SAR1A: variants seen among roughly 807,000 people sequenced by gnomAD.
SAR1A encodes small COPII coat GTPase SAR1A.
Under a neutral mutation model 22.6 loss-of-function variants are expected in SAR1A, and 6 were observed. The observed-to-expected ratio is 0.27, with a 90% CI of 0.15 to 0.52. The LOEUF (loss-of-function observed/expected upper bound fraction) is 0.52, where lower values mean the gene tolerates loss of function less well. Ranked by LOEUF, SAR1A falls within the 20% of genes least tolerant of loss-of-function variation. SAR1A has a pLI of 0.96. For synonymous variants in SAR1A, 70 were observed against 82.2 expected, an observed-to-expected ratio of 0.85 and a Z score of 0.80; for missense variants, 145 against 245.1, an observed-to-expected ratio of 0.59 and a Z score of 2.73.
rs1839275004 is a variant in SAR1A at position 70,147,824 on chromosome 10, A to G, written c.*4652T>C. ...CTCAATCAGTCACCACAAGCTAGACAGTTTACAAAGGTCTGCTTTATCACT... is the reference window on the plus strand; with the variant it reads ...CTCAATCAGTCACCACAAGCTAGACGGTTTACAAAGGTCTGCTTTATCACT... On this transcript the variant is annotated 3_prime_UTR_variant, in exon 7 of 7. Coordinates refer to ENST00000373241, the MANE Select transcript of SAR1A (RefSeq NM_020150.5). The G allele has an allele frequency of 6.6e-6, 1 of 152,262 alleles. No homozygotes were observed. The highest frequency in any genetic ancestry group is 2.4e-5 in the African/African-American group (1 of 41,466). The allele number at this position is 152,262 out of a possible 1,614,324, so 9.4% of individuals were successfully genotyped here. A position where few individuals can be genotyped will look rare whatever the true frequency, so the allele number is the denominator to read the frequency against.
chr10:70,163,126 C>T (rs960774774), intron 1 of SAR1A: 1 of 152,342 alleles, frequency 6.6e-6, no homozygotes, highest in Non-Finnish European at 1.5e-5. Flanking sequence ...CTCTTGCACT[C>T]AACAGTTACC....
At chr10:70,165,093 G>A (rs1202836321) in intron 1 of SAR1A, among the ~76,000 whole-genome samples, 1 of 151,710 alleles carries the variant, frequency 6.6e-6, no homozygotes, top group Non-Finnish European at 1.5e-5. Context: ...GTGAAACCCC[G>A]TCTCTACTAA....
intron 1 of SAR1A, 70 bp downstream of exon 1, chr10:70,170,343 C>G (rs12783452): frequency 6.7e-6 from 1 of 149,808 alleles, no homozygotes; most frequent in Non-Finnish European, 1.5e-5. Context: ...GCCTCCGCTC[C>G]GACCTCCCCG....
intron 4 of SAR1A, among the ~76,000 whole-genome samples, chr10:70,158,957 T>G (rs892681648): frequency 6.6e-6 from 1 of 152,182 alleles, no homozygotes; most frequent in Non-Finnish European, 1.5e-5. Context: ...CAATCTACAA[T>G]TCCCAGTTCA....
At chr10:70,160,649 A>G (rs1839457237) in intron 4 of SAR1A, among the ~76,000 whole-genome samples, 1 of 152,196 alleles carries the variant, frequency 6.6e-6, no homozygotes, top group Non-Finnish European at 1.5e-5. Context: ...AAAGATTAAA[A>G]TGGCAAGATG....
rs76815333 is a variant in SAR1A at position 70,165,847 on chromosome 10, G to T, written c.-16-3916C>A. Among the ~76,000 whole-genome samples the T allele has an allele frequency of 3.0e-3, 452 of 152,314 alleles. 3 individuals carry two copies. The highest frequency in any genetic ancestry group is 5.2e-3 in the Admixed American group (79 of 15,298). On this transcript the variant is annotated intron_variant, in intron 1 of 6. Coordinates refer to ENST00000373241, the MANE Select transcript of SAR1A (RefSeq NM_020150.5). ...ATCAAACAGCATTGCATGCTACAGAGAAATCTTTCTTGAAAACAAGCATTA... is the reference window on the plus strand; with the variant it reads ...ATCAAACAGCATTGCATGCTACAGATAAATCTTTCTTGAAAACAAGCATTA...
rs1839319491 is a variant in SAR1A at position 70,151,073 on chromosome 10, T to C, written c.*1403A>G. On this transcript the variant is annotated 3_prime_UTR_variant, in exon 7 of 7. Transcript: ENST00000373241. ...AAGATCATCAAAATCCAATTTCACA[T>C]GTGGCACTAGGAAAATGGAATGCTA... The C allele has an allele frequency of 6.6e-6, 1 of 152,084 alleles. No homozygotes were observed. Among genetic ancestry groups the C allele is most frequent in the Non-Finnish European group, 1.5e-5 (1 of 68,016 alleles). The allele number at this position is 152,084 out of a possible 1,614,324, so 9.4% of individuals were successfully genotyped here.
chr10:70,156,052 A>C (rs1839383384), intron 5 of SAR1A, among the ~76,000 whole-genome samples: 1 of 152,184 alleles, frequency 6.6e-6, no homozygotes, highest in Admixed American at 6.5e-5. Flanking sequence ...TGTGGACTGC[A>C]TGTCCAGGTA....
At chr10:70,157,401 CAAA>C (rs55801259) in intron 5 of SAR1A, among the ~76,000 whole-genome samples, 18 of 131,242 alleles carry the variant, frequency 1.4e-4, no homozygotes, top group African/African-American at 5.4e-4. Context: ...AAGACTCCGT[CAAA>C]AAAAAAAAAA....
chr10:70,157,546 AAC>A (rs1839409079), intron 5 of SAR1A: 1 of 507,002 alleles, frequency 2.0e-6, no homozygotes, highest in African/African-American at 1.9e-5. Flanking sequence ...TGATAGAAAC[AAC>A]AGTTAATTTA....
At chr10:70,169,212 A>G (rs559507046) in intron 1 of SAR1A, among the ~76,000 whole-genome samples, 1 of 152,218 alleles carries the variant, frequency 6.6e-6, no homozygotes, top group African/African-American at 2.4e-5. Context: ...CCAAAGCCTA[A>G]GCTCTTCCTG....
intron 6 of SAR1A, among the ~76,000 whole-genome samples, chr10:70,152,930 C>T (rs116566346): frequency 0.011 from 1,746 of 152,236 alleles, 25 homozygotes; most frequent in African/African-American, 0.04. Context: ...AGGTCTGGGA[C>T]TGTTTAAAAA....
At chr10:70,157,717 A>G (rs368586752) in intron 5 of SAR1A, 47 bp downstream of exon 5, 2 of 1,457,546 alleles carry the variant, frequency 1.4e-6, no homozygotes, top group Non-Finnish European at 1.9e-6. Context: ...AGAGGCCAAA[A>G]AAGAACAAAA....
rs956717394 is a variant in SAR1A, at chr10:70,147,763, G to C, written c.*4713C>G. On this transcript the variant is annotated 3_prime_UTR_variant, in exon 7 of 7. Coordinates refer to ENST00000373241, the MANE Select transcript of SAR1A (RefSeq NM_020150.5). ...AGGACAGAGGAGGATGAACGAGTAT[G>C]TCGGGGAGTGGGGGGGCGCGGAGCT... is the stretch of plus-strand genomic sequence containing the variant. The C allele has an allele frequency of 1.3e-5, 2 of 152,360 alleles. No homozygotes were observed. The highest frequency in any genetic ancestry group is 2.9e-5 in the Non-Finnish European group (2 of 68,132). The allele number at this position is 152,360 out of a possible 1,614,324, so 9.4% of individuals were successfully genotyped here. A position where few individuals can be genotyped will look rare whatever the true frequency, so the allele number is the denominator to read the frequency against.
chr10:70,168,598 AAAAG>A (rs1477503103), intron 1 of SAR1A, among the ~76,000 whole-genome samples: 7 of 152,178 alleles, frequency 4.6e-5, no homozygotes, highest in South Asian at 4.1e-4. Flanking sequence ...CATCTCAAAA[AAAAG>A]AAAGAAAGAA....
rs997631415 is a variant in SAR1A at position 70,147,668 on chromosome 10, C to T, written c.*4808G>A. ...CAGGCAGCAGGCCCGATTTGACCCA[C>T]AAGGCATAGTTTACCATCTCTAGTG... On this transcript the variant is annotated 3_prime_UTR_variant, in exon 7 of 7. Transcript: ENST00000373241. 1.3e-5 allele frequency: 2 copies of T among 152,194 alleles called. No individual in the cohort carries two copies. Among genetic ancestry groups the T allele is most frequent in the African/African-American group, 2.4e-5 (1 of 41,430 alleles). The allele number at this position is 152,194 out of a possible 1,614,324, so 9.4% of individuals were successfully genotyped here.
Position 70,150,105 on chromosome 10 carries a change from T to G in SAR1A, c.*2371A>C, listed in dbSNP as rs1217417203. 1 of 151,826 alleles carries G rather than the reference T, an allele frequency of 6.6e-6. No homozygotes were observed. Among genetic ancestry groups the G allele is most frequent in the African/African-American group, 2.4e-5 (1 of 41,288 alleles). The allele number at this position is 151,826 out of a possible 1,614,324, so 9.4% of individuals were successfully genotyped here. A position where few individuals can be genotyped will look rare whatever the true frequency, so the allele number is the denominator to read the frequency against. On this transcript the variant is annotated 3_prime_UTR_variant, in exon 7 of 7. Coordinates refer to ENST00000373241, the MANE Select transcript of SAR1A (RefSeq NM_020150.5). The stretch of plus-strand genomic sequence containing the variant: ...CACACGCACCCTAAATGTCTCTTCC[T>G]CTATGCAGGGAACTTTTGGTTGCCT...
rs1419384843 is a variant in SAR1A at position 70,152,297 on chromosome 10, C to T, written c.*179G>A. ...CACGTGGGGCAGCATTACCTCCCAA[C>T]AGTGTGGAGAAGAGCACATGTCACC... On this transcript the variant is annotated 3_prime_UTR_variant, in exon 7 of 7. Coordinates refer to ENST00000373241, the MANE Select transcript of SAR1A (RefSeq NM_020150.5). 6 of 980,368 alleles carry T rather than the reference C, an allele frequency of 6.1e-6. No homozygotes were observed. The highest frequency in any genetic ancestry group is 9.2e-6 in the Non-Finnish European group (6 of 653,856). 60.7% of individuals were successfully genotyped at this position (980,368 alleles called of 1,614,324 possible). A position where few individuals can be genotyped will look rare whatever the true frequency, so the allele number is the denominator to read the frequency against.
At chr10:70,162,499 GGGAAGGGGAGGAGGGGAT>G (rs1220037898) in intron 1 of SAR1A, among the ~76,000 whole-genome samples, 2 of 131,414 alleles carry the variant, frequency 1.5e-5, no homozygotes, top group Non-Finnish European at 3.3e-5. Context: ...AGGGGAGGAG[GGGAAGGGGAGGAGGGGAT>G]GGAAGGGGAG....
Sources: gnomAD v4.1 joint callset for allele counts (sites outside exome capture counted in the v4.1 genomes callset) on GRCh38, gnomAD v4.1.1 for gene constraint, MANE v1.5 for transcripts, NCBI Gene and HGNC (gene_info 2026-07-23, HGNC 2026-07-21) for gene names.